OXR1: variants seen among roughly 807,000 people sequenced by gnomAD.
The protein encoded by OXR1 is oxidation resistance protein 1.
In OXR1, 41 loss-of-function variants were observed where a neutral mutation model predicts 104.6. The observed-to-expected ratio is 0.39, with a 90% CI of 0.31 to 0.51. The LOEUF is 0.51. Ranked by LOEUF, OXR1 falls within the 20% of genes least tolerant of loss-of-function variation. The pLI is 0.77. For synonymous variants in OXR1, 348 were observed against 348.4 expected (o/e 1.00, Z 0.01); for missense variants, 955 against 1,031.9 (o/e 0.93, Z 1.02).
intron 2 of OXR1, among the ~76,000 whole-genome samples, chr8:106,434,759 TTC>T (rs879907047): frequency 6.8e-4 from 103 of 152,284 alleles, no homozygotes; most frequent in African/African-American, 1.9e-3. Flanking sequence ...GTTGAATGGA[TTC>T]AGAAAATACA....
intron 1 of OXR1, among the ~76,000 whole-genome samples, chr8:106,341,063 A>G (rs1815225581): frequency 6.6e-6 from 1 of 152,118 alleles, no homozygotes; most frequent in South Asian, 2.1e-4. Context: ...AACATATTTC[A>G]ACTGCTGCTA....
chr8:106,684,189 C>A, intron 5 of OXR1, 57 bp from the exon 6 acceptor site: 1 of 805,940 alleles, frequency 1.2e-6, no homozygotes, highest in Non-Finnish European at 2.1e-6. Flanking sequence ...TATAGAACAC[C>A]ATCTAATTAT....
At chr8:106,649,063 G>T (rs1432271714) in intron 3 of OXR1, among the ~76,000 whole-genome samples, 1 of 152,100 alleles carries the variant, frequency 6.6e-6, no homozygotes, top group Non-Finnish European at 1.5e-5. Context: ...TAATTAGTTG[G>T]GTGTGATAGC....
intron 1 of OXR1, among the ~76,000 whole-genome samples, chr8:106,275,680 T>G (rs1056423879): frequency 6.6e-6 from 1 of 152,124 alleles, no homozygotes; most frequent in African/African-American, 2.4e-5. Context: ...AAAAACAAAC[T>G]TGCTGCTTAC....
In OXR1 at chr8:106,476,452, A is replaced by T. The variant is rs1586692132; in HGVS notation, c.24-42491A>T. Among the ~76,000 whole-genome samples, 5 of 151,952 alleles carry T rather than the reference A, an allele frequency of 3.3e-5. No homozygotes were observed. The South Asian group carries it at 1.0e-3, about 31-fold the overall frequency. On this transcript the variant is annotated intron_variant, in intron 2 of 16. Coordinates refer to ENST00000517566, the MANE Select transcript of OXR1 (RefSeq NM_001198533.2). Reference sequence around the variant, plus strand: ...CATTTCCCTTCAAGGTTCAGAGGTTAGCAGCTTTATAGATAAAGGCAGTCC... The same window carrying T: ...CATTTCCCTTCAAGGTTCAGAGGTTTGCAGCTTTATAGATAAAGGCAGTCC...
In OXR1 at chr8:106,445,353, G is replaced by A. The variant is rs73701904; in HGVS notation, c.24-73590G>A. Among the ~76,000 whole-genome samples the A allele has an allele frequency of 2.7e-3, 404 of 152,324 alleles. 2 individuals are homozygous for A. Among genetic ancestry groups the A allele is most frequent in the African/African-American group, 9.2e-3 (384 of 41,580 alleles). ...TACCATGAGTCTTAGCAGCTTTATT[G>A]TAAGAGTCCATTCAAACATTAGCAT... is the stretch of plus-strand genomic sequence containing the variant. On this transcript the variant is annotated intron_variant, in intron 2 of 16. Coordinates refer to ENST00000517566, the MANE Select transcript of OXR1 (RefSeq NM_001198533.2).
chr8:106,673,036 C>G (rs1364682347), intron 3 of OXR1, among the ~76,000 whole-genome samples: 1 of 152,096 alleles, frequency 6.6e-6, no homozygotes, highest in African/African-American at 2.4e-5. Flanking sequence ...TGGGGTACTG[C>G]TATAAAGATA....
intron 2 of OXR1, among the ~76,000 whole-genome samples, chr8:106,367,298 C>T (rs941399218): frequency 1.3e-4 from 19 of 151,898 alleles, no homozygotes; most frequent in African/African-American, 3.9e-4. Flanking sequence ...CTCCTGACCT[C>T]GTGATCTGCC....
At chr8:106,510,964 A>G (rs1812484264) in intron 2 of OXR1, among the ~76,000 whole-genome samples, 1 of 152,244 alleles carries the variant, frequency 6.6e-6, no homozygotes, top group Admixed American at 6.5e-5. Context: ...TAGATTGAGT[A>G]ATTCCCGATT....
chr8:106,439,824 A>T (rs762219471), intron 2 of OXR1, among the ~76,000 whole-genome samples: 1 of 152,172 alleles, frequency 6.6e-6, no homozygotes, highest in Non-Finnish European at 1.5e-5. Flanking sequence ...GAGAAACCCG[A>T]TATAAATACT....
rs566574660 is a variant in OXR1, at chr8:106,313,178, G to A, written c.-139+42811G>A. Reference sequence around the variant, plus strand: ...AATCATTGCATGATGAGACAATACCGGCTTCTCTTTTTTTGAGAAATAATT... The same window carrying A: ...AATCATTGCATGATGAGACAATACCAGCTTCTCTTTTTTTGAGAAATAATT... On this transcript the variant is annotated intron_variant, in intron 1 of 16. Coordinates refer to ENST00000517566, the MANE Select transcript of OXR1 (RefSeq NM_001198533.2). Among the ~76,000 whole-genome samples, 6 of 151,852 alleles carry A rather than the reference G, an allele frequency of 4.0e-5. No individual in the cohort carries two copies. In the South Asian group the frequency reaches 6.2e-4, roughly 16 times the overall value.
At chr8:106,436,273 C>T (rs1158732565) in intron 2 of OXR1, among the ~76,000 whole-genome samples, 1 of 152,034 alleles carries the variant, frequency 6.6e-6, no homozygotes, top group Non-Finnish European at 1.5e-5. Flanking sequence ...TTATTATTCT[C>T]AGTCTACATA....
At chr8:106,468,277 A>G (rs1417989969) in intron 2 of OXR1, among the ~76,000 whole-genome samples, 1 of 151,810 alleles carries the variant, frequency 6.6e-6, no homozygotes, top group Non-Finnish European at 1.5e-5. Flanking sequence ...TCAGAAAGTG[A>G]CAAGTGCTAT....
At chr8:106,274,553 A>G (rs1044994121) in intron 1 of OXR1, among the ~76,000 whole-genome samples, 2 of 151,880 alleles carry the variant, frequency 1.3e-5, no homozygotes, top group African/African-American at 4.8e-5. Flanking sequence ...TTTGTGTCGC[A>G]GCAGACTTGA....
chr8:106,739,685 A>G (rs752751772), intron 13 of OXR1, 102 bp downstream of exon 13: 4 of 1,056,962 alleles, frequency 3.8e-6, no homozygotes, highest in East Asian at 2.5e-5. Flanking sequence ...CGTTAATGCT[A>G]TTACTATTCC....
At chr8:106,718,729 C>T (rs1200254356) in intron 11 of OXR1, among the ~76,000 whole-genome samples, 1 of 151,668 alleles carries the variant, frequency 6.6e-6, no homozygotes, top group Non-Finnish European at 1.5e-5. Flanking sequence ...GTTGTAGCTA[C>T]TCGGGAGGCT....
chr8:106,481,916 G>T (rs1366350108), intron 2 of OXR1, among the ~76,000 whole-genome samples: 1 of 151,902 alleles, frequency 6.6e-6, no homozygotes, highest in African/African-American at 2.4e-5. Flanking sequence ...TAATTCTCTT[G>T]GGCTTCCATG....
intron 2 of OXR1, among the ~76,000 whole-genome samples, chr8:106,504,768 TTAAA>T (rs1215642984): frequency 6.6e-6 from 1 of 152,200 alleles, no homozygotes; most frequent in Non-Finnish European, 1.5e-5. Flanking sequence ...ATATACTGCT[TTAAA>T]TAGTTATGTC....
chr8:106,662,530 A>G (rs975895676), intron 3 of OXR1, among the ~76,000 whole-genome samples: 2 of 152,196 alleles, frequency 1.3e-5, no homozygotes, highest in African/African-American at 4.8e-5. Flanking sequence ...GACATGGAAT[A>G]ATAATTATAA....
Sources: gnomAD v4.1 joint callset for allele counts (sites outside exome capture counted in the v4.1 genomes callset) on GRCh38, gnomAD v4.1.1 for gene constraint, MANE v1.5 for transcripts, NCBI Gene and HGNC (gene_info 2026-07-23, HGNC 2026-07-21) for gene names.